DIP2C: variants seen among roughly 807,000 people sequenced by gnomAD.
The protein encoded by DIP2C is disco-interacting protein 2 homolog C.
In DIP2C, 33 loss-of-function variants were observed where a neutral mutation model predicts 192.4. The ratio of observed to expected loss-of-function variants is 0.17; its 90% confidence interval spans 0.13 to 0.23. The LOEUF (loss-of-function observed/expected upper bound fraction) is 0.23. DIP2C is among the 10% of genes least tolerant of loss of function. The pLI, the probability that DIP2C is intolerant of heterozygous loss-of-function variation, is 1.00. For missense variants in DIP2C, 1,537 were observed against 2,110.1 expected (o/e 0.73, Z 5.32); for synonymous variants, 979 against 864.1 (o/e 1.13, Z -2.33).
At chr10:452,934 G>C (rs1968971679) in intron 3 of DIP2C, among the ~76,000 whole-genome samples, 1 of 152,220 alleles carries the variant, frequency 6.6e-6, no homozygotes, top group African/African-American at 2.4e-5. Context: ...GCCAGTCTGA[G>C]GCCCCAGTGC....
intron 1 of DIP2C, among the ~76,000 whole-genome samples, chr10:683,518 C>A (rs1435080018): frequency 1.3e-5 from 2 of 152,174 alleles, no homozygotes; most frequent in Admixed American, 6.5e-5. Flanking sequence ...AGGACACCCA[C>A]AAGATAGAGT....
At chr10:570,578 C>T (rs926790838) in intron 1 of DIP2C, among the ~76,000 whole-genome samples, 3 of 152,216 alleles carry the variant, frequency 2.0e-5, no homozygotes, top group African/African-American at 7.2e-5. Context: ...CCCAACACTA[C>T]TTCAGCCAAA....
intron 2 of DIP2C, among the ~76,000 whole-genome samples, chr10:473,584 T>C (rs1030372824): frequency 6.6e-6 from 1 of 151,872 alleles, no homozygotes; most frequent in African/African-American, 2.4e-5. Flanking sequence ...TGAACGGCTC[T>C]GATACCACAG....
At chr10:448,718 T>C (rs1352749100) in intron 3 of DIP2C, among the ~76,000 whole-genome samples, 29 of 91,872 alleles carry the variant, frequency 3.2e-4, no homozygotes, top group East Asian at 8.0e-4. Flanking sequence ...ACCCGCTCAC[T>C]CCCATCAATA....
rs1000234955 is a variant in DIP2C, at chr10:357,184, G to T, written c.2904+644C>A. On this transcript the variant is annotated intron_variant, in intron 23 of 36. Transcript: ENST00000280886. ...CACAAGGGCACACTTTTGGCTGTGGGAAACAGGAAGGCCGAACGGTTCTAA... is the reference window on the plus strand; with the variant it reads ...CACAAGGGCACACTTTTGGCTGTGGTAAACAGGAAGGCCGAACGGTTCTAA... Among the ~76,000 whole-genome samples the T allele has an allele frequency of 5.3e-5, 8 of 152,350 alleles. 1 individual carries two copies. The highest frequency in any genetic ancestry group is 9.6e-5 in the African/African-American group (4 of 41,586).
In DIP2C at chr10:523,508, A is replaced by G. The variant is rs867778904; in HGVS notation, c.86-36978T>C. 7.1e-4 allele frequency among the ~76,000 whole-genome samples: 94 copies of G among 132,310 alleles called. 6 individuals are homozygous for G. Among genetic ancestry groups the G allele is most frequent in the African/African-American group, 1.8e-3 (59 of 33,180 alleles). The allele number at this position is 132,310 out of a possible 152,430, so 86.8% of individuals were successfully genotyped here. A position where few individuals can be genotyped will look rare whatever the true frequency, so the allele number is the denominator to read the frequency against. On this transcript the variant is annotated intron_variant, in intron 1 of 36. Coordinates refer to ENST00000280886, the MANE Select transcript of DIP2C (RefSeq NM_014974.3). ...AGGATGCAGGGACTCTGTGTCACCC[A>G]CACACTCGTTTCTACCTGAGCAAAG...
At chr10:442,120 A>G (rs988489419) in intron 3 of DIP2C, among the ~76,000 whole-genome samples, 1 of 152,218 alleles carries the variant, frequency 6.6e-6, no homozygotes, top group South Asian at 2.1e-4. Context: ...TGTTAGCAGA[A>G]TAAAATCACC....
chr10:573,099 T>A (rs891260376), intron 1 of DIP2C, among the ~76,000 whole-genome samples: 1 of 152,198 alleles, frequency 6.6e-6, no homozygotes, highest in African/African-American at 2.4e-5. Flanking sequence ...ACGTACATTT[T>A]AGCATGTAAG....
intron 17 of DIP2C, among the ~76,000 whole-genome samples, chr10:371,006 A>G (rs1402993322): frequency 1.3e-5 from 2 of 152,220 alleles, no homozygotes; most frequent in Non-Finnish European, 1.5e-5. Context: ...CCAAATAAGA[A>G]AACCCACACG....
intron 17 of DIP2C, among the ~76,000 whole-genome samples, chr10:376,213 G>A (rs977466383): frequency 1.4e-4 from 22 of 152,084 alleles, no homozygotes; most frequent in East Asian, 5.8e-4. Flanking sequence ...CAAAGCAGGC[G>A]CGAGAGCAGC....
At chr10:619,832 G>T (rs192175668) in intron 1 of DIP2C, among the ~76,000 whole-genome samples, 1 of 152,122 alleles carries the variant, frequency 6.6e-6, no homozygotes, top group Non-Finnish European at 1.5e-5. Flanking sequence ...GGCAGCTCCC[G>T]TGTTGGGAGG....
intron 17 of DIP2C, among the ~76,000 whole-genome samples, chr10:373,253 A>G (rs1961203927): frequency 6.6e-6 from 1 of 152,216 alleles, no homozygotes; most frequent in South Asian, 2.1e-4. Flanking sequence ...AACCAACGTC[A>G]GCACATTCTT....
chr10:584,437 CCA>C (rs1850871773), intron 1 of DIP2C, among the ~76,000 whole-genome samples: 1 of 151,030 alleles, frequency 6.6e-6, no homozygotes, highest in Non-Finnish European at 1.5e-5. Flanking sequence ...AACCTGACCC[CCA>C]CTCACGCGCA....
At chr10:281,411 C>T in intron 35 of DIP2C, 88 bp from the exon 36 acceptor site, 1 of 1,487,104 alleles carries the variant, frequency 6.7e-7, no homozygotes, top group Non-Finnish European at 9.0e-7. Context: ...TAAAAACGAC[C>T]CCCAAGTGAG....
intron 1 of DIP2C, among the ~76,000 whole-genome samples, chr10:495,972 T>A (rs1844799602): frequency 6.7e-6 from 1 of 148,532 alleles, no homozygotes; most frequent in Middle Eastern, 3.7e-3. Flanking sequence ...ATCTCTCCAT[T>A]ACTCGCAATA....
intron 1 of DIP2C, among the ~76,000 whole-genome samples, chr10:619,105 A>G (rs773943896): frequency 2.2e-4 from 34 of 152,274 alleles, no homozygotes; most frequent in Non-Finnish European, 4.7e-4. Context: ...TTATGTGAGG[A>G]AAGGCACGGT....
chr10:587,113 T>C (rs931696468), intron 1 of DIP2C, among the ~76,000 whole-genome samples: 7 of 150,854 alleles, frequency 4.6e-5, no homozygotes, highest in Middle Eastern at 3.4e-3. Flanking sequence ...GCTGATAGCG[T>C]GGCGAGGGGC....
At chr10:493,757 G>A (rs879835736) in intron 1 of DIP2C, among the ~76,000 whole-genome samples, 1 of 152,190 alleles carries the variant, frequency 6.6e-6, no homozygotes, top group Non-Finnish European at 1.5e-5. Flanking sequence ...CAAAGTCGGG[G>A]TCTTACTGCC....
At chr10:575,345 G>A (rs960001247) in intron 1 of DIP2C, among the ~76,000 whole-genome samples, 2 of 152,180 alleles carry the variant, frequency 1.3e-5, no homozygotes, top group Non-Finnish European at 2.9e-5. Flanking sequence ...ATTAACTGAA[G>A]TTTTCAAATG....
Sources: allele counts gnomAD v4.1 joint callset (sites outside exome capture counted in the v4.1 genomes callset), GRCh38; gene constraint gnomAD v4.1.1; transcripts MANE v1.5; gene names NCBI Gene and HGNC (gene_info 2026-07-23, HGNC 2026-07-21).